Variants in HPRT1 observed in about 807,000 individuals in gnomAD.
HPRT1 encodes hypoxanthine-guanine phosphoribosyltransferase.
HPRT1 carries 4 observed loss-of-function variants against 19.0 expected under a neutral mutation model. That is an observed-to-expected ratio of 0.21 (90% CI 0.10 to 0.48). The LOEUF is 0.48. Among genes scored for constraint, HPRT1 ranks in the 20% least tolerant of loss-of-function variants. The pLI is 0.98. For synonymous variants in HPRT1, 53 were observed against 54.9 expected (o/e 0.97, Z 0.15); for missense variants, 65 against 164.0 (o/e 0.40, Z 3.30).
intron 6 of HPRT1, among the ~76,000 whole-genome samples, chrX:134,496,514 C>T (rs1315697206): frequency 8.9e-6 from 1 of 112,171 alleles, no homozygotes; most frequent in African/African-American, 3.2e-5. Context: ...ATACAGATTG[C>T]ACTGAGTTTA....
rs200936195 is a variant in HPRT1 at position 134,496,279 on chromosome X, T to TG, written c.486-2110dup. Reference sequence around the variant, plus strand: ...ATTGTAGCCATCCTAGTGGCTATGATGTGGTATCTCATTGTGGTTTTGATT... The same window carrying TG: ...ATTGTAGCCATCCTAGTGGCTATGATGGTGGTATCTCATTGTGGTTTTGATT... On this transcript the variant is annotated intron_variant, in intron 6 of 8. Coordinates refer to ENST00000298556, the MANE Select transcript of HPRT1 (RefSeq NM_000194.3). Among the ~76,000 whole-genome samples, 643 of 112,281 alleles carry TG rather than the reference T, an allele frequency of 5.7e-3. 5 individuals carry two copies. Among genetic ancestry groups the TG allele is most frequent in the African/African-American group, 0.019 (579 of 30,940 alleles).
rs1362213326 is a variant in HPRT1, at chrX:134,493,452, G to A, written c.403-56G>A. On this transcript the variant is annotated intron_variant, in intron 5 of 8. Transcript: ENST00000298556. The stretch of plus-strand genomic sequence containing the variant: ...ATTGCAGTTATACATGGGGGTTTTG[G>A]TACTTTATATTGTGACTCTGAATTT... The A allele has an allele frequency of 6.0e-6, 5 of 829,533 alleles. No individual in the cohort carries two copies. The African/African-American group carries it at 6.0e-5, about 10-fold the overall frequency. 68.4% of individuals were successfully genotyped at this position (829,533 alleles called of 1,213,427 possible).
At chrX:134,489,989 A>G (rs1226948145) in intron 4 of HPRT1, among the ~76,000 whole-genome samples, 199 bp from the exon 5 acceptor site, 1 of 111,481 alleles carries the variant, frequency 9.0e-6, no homozygotes, top group East Asian at 2.8e-4. Context: ...TAAAATTTCC[A>G]TTATGATGAA....
chrX:134,480,538 G>A (rs1301847284), intron 3 of HPRT1, among the ~76,000 whole-genome samples: 1 of 104,970 alleles, frequency 9.5e-6, no homozygotes, highest in Admixed American at 1.0e-4. Flanking sequence ...TTGAACTCCT[G>A]GGCTCAAGGG....
At chrX:134,469,316 T>C (rs1289196799) in intron 1 of HPRT1, among the ~76,000 whole-genome samples, 2 of 111,480 alleles carry the variant, frequency 1.8e-5, no homozygotes, top group Non-Finnish European at 3.8e-5. Context: ...GGAAGAGTTG[T>C]ATTGACAAAT....
chrX:134,485,499 TG>T (rs1235979196), intron 3 of HPRT1, among the ~76,000 whole-genome samples: 1 of 112,325 alleles, frequency 8.9e-6, no homozygotes, highest in Non-Finnish European at 1.9e-5. Flanking sequence ...TTTTTGTGTA[TG>T]CTGTGAGGTA....
At chrX:134,496,861 G>C (rs773302632) in intron 6 of HPRT1, among the ~76,000 whole-genome samples, 1 of 111,946 alleles carries the variant, frequency 8.9e-6, no homozygotes, top group Admixed American at 9.5e-5. Flanking sequence ...TGATTCTGAT[G>C]TGCAATCCAG....
chrX:134,477,621 G>A (rs1452676931), intron 3 of HPRT1, among the ~76,000 whole-genome samples: 1 of 110,576 alleles, frequency 9.0e-6, no homozygotes, highest in African/African-American at 3.3e-5. Context: ...GACCAGCCTG[G>A]GCAACACAGC....
intron 6 of HPRT1, among the ~76,000 whole-genome samples, chrX:134,496,409 C>T (rs2077680525): frequency 8.9e-6 from 1 of 112,127 alleles, no homozygotes; most frequent in Non-Finnish European, 1.9e-5. Context: ...ATGGAAAATG[C>T]TTCAGATGCA....
At chrX:134,486,102 C>T (rs1193763934) in intron 3 of HPRT1, among the ~76,000 whole-genome samples, 1 of 111,368 alleles carries the variant, frequency 9.0e-6, no homozygotes, top group Admixed American at 9.6e-5. Context: ...ATGCTAATAA[C>T]TTCCCTCACA....
Position 134,475,139 on chromosome X carries a change from T to C in HPRT1, c.135-42T>C, listed in dbSNP as rs1423531782. 3 of 1,035,141 alleles carry C rather than the reference T, an allele frequency of 2.9e-6. No homozygotes were observed. The Admixed American group carries it at 6.6e-5, about 23-fold the overall frequency. The allele number at this position is 1,035,141 out of a possible 1,213,427, so 85.3% of individuals were successfully genotyped here. On this transcript the variant is annotated intron_variant, in intron 2 of 8. Coordinates refer to ENST00000298556, the MANE Select transcript of HPRT1 (RefSeq NM_000194.3). ...AAGAGGTGTTTGTTATAAAGTTTAA[T>C]GTATGAAACTTTCTATTAAATTCCT... is the stretch of plus-strand genomic sequence containing the variant.
chrX:134,479,735 A>T (rs1410517503), intron 3 of HPRT1, among the ~76,000 whole-genome samples: 1 of 110,089 alleles, frequency 9.1e-6, no homozygotes, highest in Non-Finnish European at 1.9e-5. Flanking sequence ...TTTCCAGAGT[A>T]GCGGGGACCA....
In HPRT1 at chrX:134,462,051, G is replaced by A. The variant is rs1047024610; in HGVS notation, c.27+1713G>A. On this transcript the variant is annotated intron_variant, in intron 1 of 8. Transcript: ENST00000298556. ...AGTGGCACAATCACTGCTCACTGCA[G>A]CCTCGACTTCCCGGGCTCGGGTGAT... Among the ~76,000 whole-genome samples the A allele has an allele frequency of 4.5e-5, 5 of 111,681 alleles. No homozygotes were observed. In the East Asian group the frequency reaches 1.4e-3, roughly 31 times the overall value.
chrX:134,497,728 C>G (rs1048209508), intron 6 of HPRT1, among the ~76,000 whole-genome samples: 15 of 111,063 alleles, frequency 1.4e-4, no homozygotes, highest in Admixed American at 1.3e-3. Flanking sequence ...GGGCGGATCA[C>G]GAGGTCAGGA....
chrX:134,491,899 T>TTG lies in HPRT1; in HGVS notation c.403-1591_403-1590dup, dbSNP rs752346123. ...GGTGTGCGCCACCATGCCTGGCTAA[T>TTG]TGTGTGTGTGTGTGTGTGTATGTAT... On this transcript the variant is annotated intron_variant, in intron 5 of 8. Coordinates refer to ENST00000298556, the MANE Select transcript of HPRT1 (RefSeq NM_000194.3). Among the ~76,000 whole-genome samples, 549 of 100,807 alleles carry TTG rather than the reference T, an allele frequency of 5.4e-3. 4 individuals are homozygous for TTG. The highest frequency in any genetic ancestry group is 0.013 in the African/African-American group (353 of 27,687). 87.5% of individuals were successfully genotyped at this position (100,807 alleles called of 115,157 possible).
intron 4 of HPRT1, among the ~76,000 whole-genome samples, chrX:134,489,522 T>C (rs183296717): frequency 4.5e-5 from 5 of 111,671 alleles, no homozygotes; most frequent in East Asian, 5.6e-4. Flanking sequence ...TTATGTGAAA[T>C]GCTGCCTCAT....
intron 5 of HPRT1, among the ~76,000 whole-genome samples, chrX:134,492,067 T>G (rs1404459544): frequency 1.0e-5 from 1 of 100,409 alleles, no homozygotes; most frequent in East Asian, 3.0e-4. Context: ...ATATATAGTT[T>G]TTTTTTTTTT....
intron 1 of HPRT1, among the ~76,000 whole-genome samples, chrX:134,462,746 C>T (rs1002425860): frequency 3.6e-5 from 4 of 112,262 alleles, no homozygotes; most frequent in African/African-American, 1.3e-4. Flanking sequence ...GTTTGCAAAT[C>T]CCTCTTCCTT....
At chrX:134,488,076 T>C (rs1399551477) in intron 4 of HPRT1, among the ~76,000 whole-genome samples, 1 of 111,591 alleles carries the variant, frequency 9.0e-6, no homozygotes, top group Non-Finnish European at 1.9e-5. Context: ...GTATAACGAG[T>C]GAAAGTTATT....
Sources: gnomAD v4.1 joint callset for allele counts (sites outside exome capture counted in the v4.1 genomes callset) on GRCh38, gnomAD v4.1.1 for gene constraint, MANE v1.5 for transcripts, NCBI Gene and HGNC (gene_info 2026-07-23, HGNC 2026-07-21) for gene names.